PCNT: variants seen among roughly 807,000 people sequenced by gnomAD.
PCNT encodes the protein pericentrin.
PCNT carries 319 observed loss-of-function variants against 380.4 expected under a neutral mutation model. That is an observed-to-expected ratio of 0.84 (90% CI 0.77 to 0.92). PCNT has a LOEUF of 0.92. Among genes scored for constraint, PCNT ranks in the 40% least tolerant of loss-of-function variants. PCNT has a pLI of 0.00. For missense variants in PCNT, 4,400 were observed against 4,255.3 expected, an observed-to-expected ratio of 1.03 and a Z score of -0.95; for synonymous variants, 1,845 against 1,735.2, an observed-to-expected ratio of 1.06 and a Z score of -1.57.
chr21:46,397,644 T>G (rs1202253932), intron 22 of PCNT, 150 bp downstream of exon 22: 7 of 707,054 alleles, frequency 9.9e-6, no homozygotes, highest in Non-Finnish European at 1.7e-5. Flanking sequence ...GGTCGCTGAC[T>G]CTTGGTGGGT....
intron 3 of PCNT, among the ~76,000 whole-genome samples, chr21:46,335,876 G>T (rs964820117): frequency 1.7e-4 from 26 of 152,006 alleles, no homozygotes; most frequent in African/African-American, 6.0e-4. Context: ...AGTAGAGACA[G>T]GGTTTCCTCA....
intron 15 of PCNT, among the ~76,000 whole-genome samples, chr21:46,373,312 C>A (rs1490683016): frequency 6.6e-6 from 1 of 152,060 alleles, no homozygotes; most frequent in Admixed American, 6.5e-5. Context: ...CCGCGCCTGG[C>A]CTGGACTATT....
In PCNT at chr21:46,416,205, C is replaced by A. The variant is rs2087020283; in HGVS notation, c.6287C>A (p.Ser2096Tyr). Residue 2096 changes from serine (S) to tyrosine (Y), a missense_variant, in exon 30 of 47, where the codon TCT becomes TAT. Ser to Tyr is a moderately radical substitution (Grantham distance 144, BLOSUM62 -2). Coordinates refer to ENST00000359568, the MANE Select transcript of PCNT (RefSeq NM_006031.6). ...FQNVDAADTK[S>Y]LWPMASAHLL... The stretch of plus-strand genomic sequence containing the variant: ...AATGTGGATGCTGCCGACACCAAAT[C>A]TCTGTGGCCCATGGCCTCAGCACAC... 1 of 1,614,078 alleles carries A rather than the reference C, an allele frequency of 6.2e-7. No individual in the cohort carries two copies. Among genetic ancestry groups the A allele is most frequent in the African/African-American group, 1.3e-5 (1 of 74,918 alleles).
intron 21 of PCNT, among the ~76,000 whole-genome samples, chr21:46,394,017 T>C (rs930252826): frequency 1.3e-5 from 2 of 152,238 alleles, no homozygotes; most frequent in African/African-American, 4.8e-5. Flanking sequence ...AAATTCTCGT[T>C]GTTTCTCTGG....
intron 31 of PCNT, among the ~76,000 whole-genome samples, chr21:46,418,757 C>A (rs534832409): frequency 3.3e-4 from 50 of 152,368 alleles, no homozygotes; most frequent in Middle Eastern, 3.4e-3. Flanking sequence ...GGGTGGACGT[C>A]CCTCTCTCTG....
At chr21:46,436,340 A>C (rs2053446750) in intron 39 of PCNT, among the ~76,000 whole-genome samples, 192 bp downstream of exon 39, 1 of 152,164 alleles carries the variant, frequency 6.6e-6, no homozygotes, top group South Asian at 2.1e-4. Context: ...CTAATGTCAG[A>C]GAAAAAAATC....
chr21:46,413,630 C>G (rs924525355), intron 29 of PCNT, among the ~76,000 whole-genome samples: 1 of 152,190 alleles, frequency 6.6e-6, no homozygotes, highest in Non-Finnish European at 1.5e-5. Context: ...GAGGGTTAGT[C>G]CTGGTTTGTC....
chr21:46,393,233 C>A (rs2086094261), intron 21 of PCNT, among the ~76,000 whole-genome samples: 1 of 152,200 alleles, frequency 6.6e-6, no homozygotes, highest in Non-Finnish European at 1.5e-5. Flanking sequence ...CCTTCCTCCA[C>A]CAGTGAAGTG....
chr21:46,356,850 C>G lies in PCNT; in HGVS notation c.1937-124C>G, dbSNP rs568318320. 9.3e-5 allele frequency: 75 copies of G among 803,542 alleles called. No homozygotes were observed. In the African/African-American group the frequency reaches 1.2e-3, roughly 13 times the overall value. The allele number at this position is 803,542 out of a possible 1,614,324, so 49.8% of individuals were successfully genotyped here. On this transcript the variant is annotated intron_variant, in intron 12 of 46. Transcript: ENST00000359568. ...CTTTCATCACTGAGTCAGCACAGAG[C>G]TTGAAAATCCACAGTGTCTGCTGTC...
chr21:46,335,676 T>C (rs1308253387), intron 3 of PCNT, among the ~76,000 whole-genome samples: 1 of 151,182 alleles, frequency 6.6e-6, no homozygotes, highest in African/African-American at 2.4e-5. Context: ...TTGGTTGTTT[T>C]TTGGTTTTTG....
At chr21:46,347,863 G>C (rs1442464405) in intron 6 of PCNT, among the ~76,000 whole-genome samples, 3 of 152,188 alleles carry the variant, frequency 2.0e-5, no homozygotes, top group Non-Finnish European at 4.4e-5. Context: ...TGTGGGTGCT[G>C]GGGTGCCGGG....
At position 46,384,693 on chromosome 21, in the gene PCNT, C is replaced by G. The variant is rs917237406; in HGVS notation, c.3313-1139C>G. 5.9e-5 allele frequency among the ~76,000 whole-genome samples: 9 copies of G among 151,920 alleles called. 1 individual carries two copies. Among genetic ancestry groups the G allele is most frequent in the African/African-American group, 9.7e-5 (4 of 41,352 alleles). On this transcript the variant is annotated intron_variant, in intron 16 of 46. Coordinates refer to ENST00000359568, the MANE Select transcript of PCNT (RefSeq NM_006031.6). ...CATAGTTCAGTGGCAGAAGCGCATT[C>G]ACGGTGTTGTGCGTTGAGCGGCGGA...
At position 46,425,897 on chromosome 21, in the gene PCNT, C is replaced by T. The variant is rs576796827; in HGVS notation, c.7246C>T (p.Pro2416Ser). ...GGCGCTGTCAGAAGGCCTTGCACCC[C>T]CAAGCGGCGAGCCACACCCACCCCG... ...ILALSEGLAP[P>S]SGEPHPPRKE... The change falls in exon 33 of 47, where the codon CCA (proline) becomes TCA (serine). Residue 2416 changes from proline to serine, a missense_variant. Transcript: ENST00000359568. This position sits in a 1 kb window ranked among gnomAD's most constrained non-coding sequence, Gnocchi z 4.2. The T allele has an allele frequency of 4.3e-6, 7 of 1,613,752 alleles. No individual in the cohort carries two copies. The highest frequency in any genetic ancestry group is 5.1e-6 in the Non-Finnish European group (6 of 1,180,010).
chr21:46,392,213 G>A (rs868048847), intron 21 of PCNT, among the ~76,000 whole-genome samples: 1 of 151,700 alleles, frequency 6.6e-6, no homozygotes, highest in African/African-American at 2.4e-5. Flanking sequence ...TGTTCCTATG[G>A]TTTTGTTTTT....
At chr21:46,370,280 G>C (rs2085072762) in intron 15 of PCNT, among the ~76,000 whole-genome samples, 2 of 152,118 alleles carry the variant, frequency 1.3e-5, no homozygotes, top group Non-Finnish European at 2.9e-5. Context: ...GGAGGGCAGG[G>C]TTCTGGTCTG....
intron 1 of PCNT, among the ~76,000 whole-genome samples, chr21:46,325,485 A>G (rs1191018114): frequency 6.6e-6 from 1 of 152,168 alleles, no homozygotes; most frequent in Non-Finnish European, 1.5e-5. Flanking sequence ...GTGGTGGAGG[A>G]GGACATGAAA....
At position 46,325,393 on chromosome 21, in the gene PCNT, G is replaced by C. The variant is rs552862268; in HGVS notation, c.55-984G>C. Among the ~76,000 whole-genome samples, 6 of 152,308 alleles carry C rather than the reference G, an allele frequency of 3.9e-5. No individual in the cohort carries two copies. The South Asian group carries it at 8.3e-4, about 21-fold the overall frequency. On this transcript the variant is annotated intron_variant, in intron 1 of 46. Transcript: ENST00000359568. ...GAGCAGAGCTCCCAGGAGGGTGGAG[G>C]GGGGAGGGAGGGACAAGACGCCGCC...
In PCNT at chr21:46,409,843, C is replaced by G. The variant is rs570007449; in HGVS notation, c.5116-1346C>G. On this transcript the variant is annotated intron_variant, in intron 27 of 46. Coordinates refer to ENST00000359568, the MANE Select transcript of PCNT (RefSeq NM_006031.6). Reference sequence around the variant, plus strand: ...TCCTGTGCTCAAGTGATCTGCCTGCCTCAGCCTCCCAAAGTGCTGGGGTTA... The same window carrying G: ...TCCTGTGCTCAAGTGATCTGCCTGCGTCAGCCTCCCAAAGTGCTGGGGTTA... Among the ~76,000 whole-genome samples, 69 of 152,286 alleles carry G rather than the reference C, an allele frequency of 4.5e-4. 1 individual carries two copies. Among genetic ancestry groups the G allele is most frequent in the Non-Finnish European group, 8.4e-4 (57 of 68,026 alleles).
At chr21:46,415,226 C>T (rs1321082345) in intron 29 of PCNT, among the ~76,000 whole-genome samples, 3 of 152,206 alleles carry the variant, frequency 2.0e-5, no homozygotes, top group African/African-American at 7.2e-5. Context: ...TGGGCCTAGG[C>T]CCGCAGTTCT....
Sources: gnomAD v4.1 joint callset for allele counts (sites outside exome capture counted in the v4.1 genomes callset) on GRCh38, gnomAD v4.1.1 for gene constraint, Gnocchi (gnomAD v3.1) non-coding constraint, MANE v1.5 for transcripts, NCBI Gene and HGNC (gene_info 2026-07-23, HGNC 2026-07-21) for gene names.